The following POLK variants were observed in gnomAD, a reference collection of about 807,000 sequenced individuals.
The protein encoded by POLK is polymerase (DNA directed) kappa.
POLK carries 76 observed loss-of-function variants against 94.0 expected under a neutral mutation model. The ratio of observed to expected loss-of-function variants is 0.81; its 90% CI spans 0.67 to 0.98. The LOEUF (loss-of-function observed/expected upper bound fraction) is 0.98. POLK is among the 50% of genes least tolerant of loss of function. POLK has a pLI of 0.00. For missense variants in POLK, 954 were observed against 1,010.1 expected (o/e 0.94, Z 0.75); for synonymous variants, 349 against 325.4 (o/e 1.07, Z -0.78).
At chr5:75,559,696 A>G (rs1770872176) in intron 3 of POLK, among the ~76,000 whole-genome samples, 1 of 150,834 alleles carries the variant, frequency 6.6e-6, no homozygotes, top group Non-Finnish European at 1.5e-5. Context: ...ACACTTTCAC[A>G]CTCAGTTAAT....
chr5:75,575,817 T>C (rs1174916126), intron 5 of POLK, among the ~76,000 whole-genome samples: 1 of 152,184 alleles, frequency 6.6e-6, no homozygotes, highest in East Asian at 1.9e-4. Context: ...TAAAAACCTT[T>C]GTTTTTATAA....
intron 3 of POLK, chr5:75,568,591 A>T (rs576032664): frequency 1.1e-5 from 3 of 268,660 alleles, no homozygotes; most frequent in African/African-American, 2.3e-5. Flanking sequence ...TTTAAAGATT[A>T]AGAATCTTCA....
exon 7 of POLK, chr5:75,581,307 G>A (rs557718700): frequency 1.2e-6 from 2 of 1,613,824 alleles, no homozygotes; most frequent in Admixed American, 3.3e-5. Context: ...GCCCCCAGGA[G>A]ATCCTTTCCA....
At chr5:75,606,044 G>T (rs1252146090), downstream of POLK, among the ~76,000 whole-genome samples, 1 of 121,388 alleles carries the variant, frequency 8.2e-6, no homozygotes, top group African/African-American at 3.2e-5. Flanking sequence ...AGGGGGATGT[G>T]TCAGGGTCAC....
At chr5:75,588,455 A>C (rs776787094) in intron 10 of POLK, among the ~76,000 whole-genome samples, 1 of 152,222 alleles carries the variant, frequency 6.6e-6, no homozygotes, top group East Asian at 1.9e-4. Context: ...TACCATTTTC[A>C]TTTATAATTA....
At position 75,594,083 on chromosome 5, in the gene POLK, A is replaced by G. The variant is rs371517897; in HGVS notation, c.1528+34A>G. 615 of 1,460,382 alleles carry G rather than the reference A, an allele frequency of 4.2e-4. 1 individual carries two copies. Among genetic ancestry groups the G allele is most frequent in the Non-Finnish European group, 5.5e-4 (592 of 1,073,642 alleles). 90.5% of individuals were successfully genotyped at this position (1,460,382 alleles called of 1,614,324 possible). ...TTTTCATTTTTTTGTTTTTCCTTAAATCTGCTAGATTTTCCCAAATAATCA... is the reference window on the plus strand; with the variant it reads ...TTTTCATTTTTTTGTTTTTCCTTAAGTCTGCTAGATTTTCCCAAATAATCA... On this transcript the variant is annotated intron_variant, in intron 12 of 14. Coordinates refer to ENST00000241436, the Ensembl canonical transcript of POLK.
chr5:75,555,841 A>G (rs988188353), intron 3 of POLK, among the ~76,000 whole-genome samples: 4 of 152,152 alleles, frequency 2.6e-5, no homozygotes, highest in African/African-American at 9.7e-5. Context: ...GAGCCATACC[A>G]CAGACAATTG....
chr5:75,514,410 A>G (rs1028969545), intron 1 of POLK, among the ~76,000 whole-genome samples: 10 of 152,234 alleles, frequency 6.6e-5, no homozygotes, highest in Admixed American at 4.6e-4. Flanking sequence ...AATCACTAAC[A>G]TGATTAAAAT....
intron 1 of POLK, among the ~76,000 whole-genome samples, chr5:75,531,820 A>C (rs1351148142): frequency 1.3e-5 from 2 of 152,128 alleles, no homozygotes; most frequent in Admixed American, 1.3e-4. Flanking sequence ...GTAAGCTGTA[A>C]ACTTATCTCA....
chr5:75,563,381 C>T (rs1771092114), intron 3 of POLK, among the ~76,000 whole-genome samples: 1 of 151,368 alleles, frequency 6.6e-6, no homozygotes, highest in Non-Finnish European at 1.5e-5. Flanking sequence ...AAGGGATTTT[C>T]GTGTCTCTAT....
At chr5:75,593,624 G>T (rs1285639918) in intron 11 of POLK, among the ~76,000 whole-genome samples, 1 of 152,058 alleles carries the variant, frequency 6.6e-6, no homozygotes, top group South Asian at 2.1e-4. Context: ...GGCCAGGATC[G>T]CTTGTGGCCA....
At chr5:75,550,409 T>C (rs1293191124) in intron 2 of POLK, among the ~76,000 whole-genome samples, 1 of 151,934 alleles carries the variant, frequency 6.6e-6, no homozygotes, top group East Asian at 1.9e-4. Context: ...TGAAACCCCG[T>C]CTCTACTAAA....
intron 2 of POLK, among the ~76,000 whole-genome samples, chr5:75,550,407 C>T (rs1043589003): frequency 2.6e-5 from 4 of 151,790 alleles, no homozygotes; most frequent in Admixed American, 2.0e-4. Context: ...GGTGAAACCC[C>T]GTCTCTACTA....
At chr5:75,582,527 C>A (rs1011675047) in intron 7 of POLK, 2 of 152,156 alleles carry the variant, frequency 1.3e-5, no homozygotes, top group African/African-American at 4.8e-5. Context: ...TTTAAATATA[C>A]TGTAACCAGA....
intron 6 of POLK, 70 bp from the exon 7 acceptor site, chr5:75,581,139 A>T: frequency 9.2e-7 from 1 of 1,091,452 alleles, no homozygotes; most frequent in Non-Finnish European, 1.3e-6. Flanking sequence ...GAAATAATGT[A>T]GGGAAACCTA....
chr5:75,590,894 T>C lies in POLK; in HGVS notation c.1356+454T>C, dbSNP rs5744696. The stretch of plus-strand genomic sequence containing the variant: ...TTTCAAGGTTGTAGTCCAGGTTGCT[T>C]AACACAGGACAACAAAACCTATAAG... On this transcript the variant is annotated intron_variant, in intron 11 of 14. Coordinates refer to ENST00000241436, the Ensembl canonical transcript of POLK. Among the ~76,000 whole-genome samples, 1,307 of 152,278 alleles carry C rather than the reference T, an allele frequency of 8.6e-3. 12 individuals carry two copies. Among genetic ancestry groups the C allele is most frequent in the Middle Eastern group, 0.024 (7 of 294 alleles).
rs749804502 is a variant in POLK at position 75,573,790 on chromosome 5, G to C, written c.461G>C (p.Gly154Ala). The C allele has an allele frequency of 1.9e-6, 3 of 1,612,974 alleles. No homozygotes were observed. The East Asian group carries it at 6.7e-5, about 36-fold the overall frequency. Residue 154 changes from glycine to alanine, a missense_variant, in exon 5 of 15, where the codon GGA (glycine) becomes GCA (alanine). Physicochemically the swap from Gly to Ala is moderately conservative, Grantham distance 60. Transcript: ENST00000241436. ...TTTGGTGTTCGTGCAGCCATGCCAG[G>C]ATTTATTGCTAAGAGGCTGTGCCCA...
chr5:75,511,233 C>A, upstream of POLK: 3 of 1,610,584 alleles, frequency 1.9e-6, no homozygotes, highest in Non-Finnish European at 2.5e-6. Flanking sequence ...GAGCAGGAGA[C>A]CGGCCCCCGC....
At position 75,511,836 on chromosome 5, in the gene POLK, GTGC is replaced by G; in HGVS notation, c.-88_-86del. 6.5e-7 allele frequency: 1 copy of G among 1,548,966 alleles called. No individual in the cohort carries two copies. On this transcript the variant is annotated 5_prime_UTR_variant, in exon 1 of 15. Transcript: ENST00000241436. ...GAGAGGGCGGGGTAGGGATGCAGCT[GTGC>G]TGCATTCTGGGAAGGGCGTTGGTCC... is the stretch of plus-strand genomic sequence containing the variant.
Sources: gnomAD v4.1 joint callset for allele counts (sites outside exome capture counted in the v4.1 genomes callset) on GRCh38, gnomAD v4.1.1 for gene constraint, MANE v1.5 for transcripts, NCBI Gene and HGNC (gene_info 2026-07-23, HGNC 2026-07-21) for gene names.